Variants in LRP2 observed in about 807,000 individuals in gnomAD.
The protein encoded by LRP2 is low-density lipoprotein receptor-related protein 2.
In LRP2, 172 loss-of-function variants were observed where a neutral mutation model predicts 531.0. That is an observed-to-expected ratio of 0.32 (90% CI 0.29 to 0.37). LRP2 has a LOEUF of 0.37. LRP2 is among the 10% of genes least tolerant of loss of function. The pLI, the probability that LRP2 is intolerant of heterozygous loss-of-function variation, is 1.00. For synonymous variants in LRP2, 1,992 were observed against 2,027.6 expected (o/e 0.98, Z 0.47); for missense variants, 5,167 against 5,868.3 (o/e 0.88, Z 3.90).
chr2:169,192,274 T>C (rs1042639913), intron 47 of LRP2, among the ~76,000 whole-genome samples: 1 of 152,238 alleles, frequency 6.6e-6, no homozygotes, highest in Non-Finnish European at 1.5e-5. Flanking sequence ...CTCATTTATT[T>C]TTCCATAAAA....
rs183462735 is a variant in LRP2 at position 169,284,351 on chromosome 2, G to A, written c.1043-1350C>T. ...ACAGTCTCGGCTCACTGCAACCTCCGCCTCCCGGGTTCAAGTGATCCTTCC... is the reference window on the plus strand; with the variant it reads ...ACAGTCTCGGCTCACTGCAACCTCCACCTCCCGGGTTCAAGTGATCCTTCC... On this transcript the variant is annotated intron_variant, in intron 9 of 78. Coordinates refer to ENST00000649046, the MANE Select transcript of LRP2 (RefSeq NM_004525.3). 7.2e-4 allele frequency among the ~76,000 whole-genome samples: 88 copies of A among 121,394 alleles called. 1 individual carries two copies. The highest frequency in any genetic ancestry group is 4.5e-3 in the Admixed American group (40 of 8,916). The allele number at this position is 121,394 out of a possible 152,430, so 79.6% of individuals were successfully genotyped here. A position where few individuals can be genotyped will look rare whatever the true frequency, so the allele number is the denominator to read the frequency against.
chr2:169,320,708 A>C, intron 2 of LRP2, 69 bp downstream of exon 2: 1 of 1,276,886 alleles, frequency 7.8e-7, no homozygotes, highest in Non-Finnish European at 1.1e-6. Context: ...TCTCTTTGTT[A>C]CAGCTGAAAT....
intron 1 of LRP2, among the ~76,000 whole-genome samples, chr2:169,354,024 C>G (rs1004483874): frequency 6.6e-6 from 1 of 152,080 alleles, no homozygotes; most frequent in Non-Finnish European, 1.5e-5. Context: ...TAAAAATAAA[C>G]GATTTTGATT....
intron 1 of LRP2, among the ~76,000 whole-genome samples, chr2:169,329,655 A>T (rs1685211362): frequency 6.6e-6 from 1 of 152,222 alleles, no homozygotes; most frequent in Non-Finnish European, 1.5e-5. Context: ...GCTCCACTTC[A>T]ATCCCCAGAA....
At position 169,270,220 on chromosome 2, in the gene LRP2, T is replaced by C. The variant is rs181987586; in HGVS notation, c.2320+684A>G. The stretch of plus-strand genomic sequence containing the variant: ...TGGAGATTCCTCAGGGATCTAGAAC[T>C]AGAAATAACATTTGACCCAGCCATC... On this transcript the variant is annotated intron_variant, in intron 16 of 78. Transcript: ENST00000649046. Among the ~76,000 whole-genome samples, 9 of 152,264 alleles carry C rather than the reference T, an allele frequency of 5.9e-5. No homozygotes were observed. The East Asian group carries it at 1.5e-3, about 26-fold the overall frequency.
Position 169,129,076 on chromosome 2 carries a change from T to C in LRP2, c.13737A>G (p.Lys4579=). The C allele has an allele frequency of 6.2e-7, 1 of 1,607,464 alleles. No individual in the cohort carries two copies. Residue 4579 remains lysine, a synonymous_variant, in exon 78 of 79, where the codon AAA becomes AAG. Transcript: ENST00000649046. ...SPAADGTQVT[K]WNLFKRKSKQ... is the part of the protein sequence containing the mutation. ...TAGATTTTCGTTTGAAGAGATTCCATTTTGTCACCTAAATGAAAAGGGGAA... is the reference window on the plus strand; with the variant it reads ...TAGATTTTCGTTTGAAGAGATTCCACTTTGTCACCTAAATGAAAAGGGGAA...
chr2:169,187,766 T>C lies in LRP2; in HGVS notation c.9328+204A>G, dbSNP rs17848178. Among the ~76,000 whole-genome samples, 467 of 152,294 alleles carry C rather than the reference T, an allele frequency of 3.1e-3. 14 individuals carry two copies. In the East Asian group the frequency reaches 0.077, roughly 25 times the overall value. ...CATCTTCTGTTCTCTCTAATGACTA[T>C]CTAAGCAAAGAATTGGTCCAAAAAA... On this transcript the variant is annotated intron_variant, in intron 49 of 78. Coordinates refer to ENST00000649046, the MANE Select transcript of LRP2 (RefSeq NM_004525.3).
In LRP2 at chr2:169,198,851, C is replaced by A. The variant is rs142214474; in HGVS notation, c.8513G>T (p.Arg2838Leu). Residue 2838 changes from arginine to leucine, a missense_variant, in exon 45 of 79, where the codon CGC becomes CTC. Around this residue, in one of 6 missense-constraint regions of LRP2, gnomAD observed 1,129 missense variants for 1,362.7 expected, o/e 0.83. Coordinates refer to ENST00000649046, the MANE Select transcript of LRP2 (RefSeq NM_004525.3). Reference sequence around the variant, plus strand: ...ATTGTCTCCGTCACACAAATAAACGCGAGGAATACAAATATTTGAATTATG... The same window carrying A: ...ATTGTCTCCGTCACACAAATAAACGAGAGGAATACAAATATTTGAATTATG... Reference protein sequence around the residue: ...KCHNSNICIPRVYLCDGDNDC... With the variant: ...KCHNSNICIPLVYLCDGDNDC... 7 of 1,613,836 alleles carry A rather than the reference C, an allele frequency of 4.3e-6. No individual in the cohort carries two copies. Among genetic ancestry groups the A allele is most frequent in the Non-Finnish European group, 5.9e-6 (7 of 1,179,856 alleles).
chr2:169,158,379 T>C (rs1222488790), intron 63 of LRP2, among the ~76,000 whole-genome samples: 1 of 152,054 alleles, frequency 6.6e-6, no homozygotes, highest in Non-Finnish European at 1.5e-5. Context: ...TGAATGTATG[T>C]TCAGTGATAG....
At chr2:169,165,908 T>C (rs1409624483) in intron 62 of LRP2, 24 bp downstream of exon 62, 1 of 1,613,702 alleles carries the variant, frequency 6.2e-7, no homozygotes, top group Admixed American at 1.7e-5. Flanking sequence ...TCCTTTTTCC[T>C]TCTCCCTTTT....
chr2:169,144,707 C>G (rs577167017), intron 70 of LRP2, among the ~76,000 whole-genome samples: 10 of 152,298 alleles, frequency 6.6e-5, no homozygotes, highest in Admixed American at 2.6e-4. Flanking sequence ...AGGCATTTGC[C>G]ACCCCTGTCA....
At chr2:169,222,452 G>C (rs954109971) in intron 33 of LRP2, among the ~76,000 whole-genome samples, 2 of 152,078 alleles carry the variant, frequency 1.3e-5, no homozygotes, top group African/African-American at 4.8e-5. Context: ...CCATGTTTCA[G>C]GGTCTTTATT....
At chr2:169,269,158 T>C (rs1574202851) in intron 16 of LRP2, among the ~76,000 whole-genome samples, 2 of 152,028 alleles carry the variant, frequency 1.3e-5, no homozygotes, top group South Asian at 2.1e-4. Context: ...GAATCAATAT[T>C]GTGAAAATGG....
intron 19 of LRP2, among the ~76,000 whole-genome samples, chr2:169,254,664 A>G: frequency 7.0e-6 from 1 of 143,032 alleles, no homozygotes; most frequent in East Asian, 2.1e-4. Flanking sequence ...AAAAACAGCA[A>G]TGTTGAAAGA....
At chr2:169,202,503 T>C (rs1468278597) in intron 43 of LRP2, among the ~76,000 whole-genome samples, 4 of 152,222 alleles carry the variant, frequency 2.6e-5, no homozygotes, top group East Asian at 1.9e-4. Context: ...AGGCTTGAGA[T>C]ATTAAGTAAC....
At chr2:169,329,936 T>C (rs1205525559) in intron 1 of LRP2, among the ~76,000 whole-genome samples, 1 of 152,226 alleles carries the variant, frequency 6.6e-6, no homozygotes, top group African/African-American at 2.4e-5. Flanking sequence ...GAGCTCCGCC[T>C]CCTGTCAGAT....
chr2:169,146,869 G>T lies in LRP2; in HGVS notation c.12681C>A (p.Asp4227Glu), dbSNP rs747857269. 2 of 1,614,102 alleles carry T rather than the reference G, an allele frequency of 1.2e-6. No individual in the cohort carries two copies. The highest frequency in any genetic ancestry group is 1.7e-6 in the Non-Finnish European group (2 of 1,180,012). The change falls in exon 69 of 79, where the codon GAC (aspartate) becomes GAA (glutamate). Residue 4227 changes from aspartate to glutamate, a missense_variant. Coordinates refer to ENST00000649046, the MANE Select transcript of LRP2 (RefSeq NM_004525.3). ...TAGAAAGGCCAGTTGGCCAACCAAG[G>T]TCCTCGAAAACCAGGATGTTGCGGT... ...GEDRNILVFEDLGWPTGLSID... is the reference protein window; with the variant it reads ...GEDRNILVFEELGWPTGLSID...
In LRP2 at chr2:169,362,481, A is replaced by G; in HGVS notation, c.-82T>C. The G allele has an allele frequency of 1.6e-6, 2 of 1,245,668 alleles. No homozygotes were observed. The highest frequency in any genetic ancestry group is 2.6e-5 in the South Asian group (2 of 78,184). 77.2% of individuals were successfully genotyped at this position (1,245,668 alleles called of 1,614,324 possible). A position where few individuals can be genotyped will look rare whatever the true frequency, so the allele number is the denominator to read the frequency against. ...ACACCGCACCGGCAGCGCCTCTGCT[A>G]GCGAACGCTCCTTTAGGTCTGCACC... On this transcript the variant is annotated 5_prime_UTR_variant, in exon 1 of 79. Transcript: ENST00000649046.
intron 30 of LRP2, among the ~76,000 whole-genome samples, chr2:169,233,093 G>A (rs1049371806): frequency 6.6e-6 from 1 of 152,146 alleles, no homozygotes; most frequent in Non-Finnish European, 1.5e-5. Flanking sequence ...TAAGAGGATC[G>A]AAGGCACTAT....
Sources: allele counts gnomAD v4.1 joint callset (sites outside exome capture counted in the v4.1 genomes callset), GRCh38; gene constraint gnomAD v4.1.1; regional missense constraint gnomAD v4.1.1; transcripts MANE v1.5; gene names NCBI Gene and HGNC (gene_info 2026-07-23, HGNC 2026-07-21).